EFL1: variants seen among roughly 807,000 people sequenced by gnomAD.
The protein encoded by EFL1 is elongation factor like GTPase 1.
In EFL1, 76 loss-of-function variants were observed where a neutral mutation model predicts 126.7. The observed-to-expected ratio is 0.60, with a 90% CI of 0.50 to 0.73. EFL1 has a LOEUF of 0.73. Ranked by LOEUF, EFL1 falls within the 30% of genes least tolerant of loss-of-function variation. The probability of loss-of-function intolerance (pLI) is 0.00; values close to 1 mark genes in which losing one functional copy is unlikely to be tolerated. For missense variants in EFL1, 1,128 were observed against 1,343.2 expected (o/e 0.84, Z 2.50); for synonymous variants, 410 against 448.4 (o/e 0.91, Z 1.08).
chr15:82,249,903 C>G (rs2075006120), intron 4 of EFL1, among the ~76,000 whole-genome samples: 1 of 151,942 alleles, frequency 6.6e-6, no homozygotes, highest in African/African-American at 2.4e-5. Flanking sequence ...AGAATAAGAC[C>G]CTATATTTCA....
chr15:82,249,717 TTAA>T (rs1348692325), intron 4 of EFL1, among the ~76,000 whole-genome samples: 1 of 151,942 alleles, frequency 6.6e-6, no homozygotes, highest in Non-Finnish European at 1.5e-5. Context: ...ATAACAAGAT[TTAA>T]TAATATGATC....
At chr15:82,182,697 C>T (rs1469747000) in intron 15 of EFL1, among the ~76,000 whole-genome samples, 1 of 151,810 alleles carries the variant, frequency 6.6e-6, no homozygotes, top group African/African-American at 2.4e-5. Context: ...TGGTGGTGGG[C>T]GCCTGTAGTC....
At chr15:82,157,187 C>G (rs1016687127) in intron 17 of EFL1, among the ~76,000 whole-genome samples, 4 of 152,092 alleles carry the variant, frequency 2.6e-5, no homozygotes, top group Non-Finnish European at 4.4e-5. Flanking sequence ...CTGAATGATT[C>G]TTTTTCTTCT....
intron 3 of EFL1, among the ~76,000 whole-genome samples, chr15:82,257,365 T>A (rs996264049): frequency 6.6e-6 from 1 of 152,206 alleles, no homozygotes; most frequent in African/African-American, 2.4e-5. Context: ...GTTTTGTCAG[T>A]TGTGTTACTC....
intron 19 of EFL1, among the ~76,000 whole-genome samples, chr15:82,134,961 A>C (rs2073704990): frequency 6.6e-6 from 1 of 152,248 alleles, no homozygotes; most frequent in Non-Finnish European, 1.5e-5. Context: ...AAATGAAAAG[A>C]AGTGCCTTGG....
rs2075142114 is a variant in EFL1, at chr15:82,262,729, C to A, written c.-135G>T. On this transcript the variant is annotated 5_prime_UTR_variant, in exon 1 of 20. Transcript: ENST00000268206. ...CACGCCCGCGCGCCAGGGGGCGGGGCCGGCTGTCGCTCGACCTTTCACCCG... is the reference window on the plus strand; with the variant it reads ...CACGCCCGCGCGCCAGGGGGCGGGGACGGCTGTCGCTCGACCTTTCACCCG... 3.2e-5 allele frequency: 30 copies of A among 925,012 alleles called. No homozygotes were observed. In the South Asian group the frequency reaches 4.7e-4, roughly 15 times the overall value. 57.3% of individuals were successfully genotyped at this position (925,012 alleles called of 1,614,324 possible). A position where few individuals can be genotyped will look rare whatever the true frequency, so the allele number is the denominator to read the frequency against.
chr15:82,215,699 A>G (rs1323666171), intron 14 of EFL1: 2 of 152,226 alleles, frequency 1.3e-5, no homozygotes, highest in Admixed American at 6.5e-5. Flanking sequence ...CTGAGATACA[A>G]CATAAACAAA....
In EFL1 at chr15:82,185,169, C is replaced by CTGTGTG. The variant is rs71156029; in HGVS notation, c.1751-21191_1751-21186dup. On this transcript the variant is annotated intron_variant, in intron 15 of 19. Coordinates refer to ENST00000268206, the MANE Select transcript of EFL1 (RefSeq NM_024580.6). The stretch of plus-strand genomic sequence containing the variant: ...ATCCTTAGGAATGTTTCATGTGTGG[C>CTGTGTG]TGTGTGTGTGTGTGTGTGTGTGTGT... Among the ~76,000 whole-genome samples, 114 of 139,988 alleles carry CTGTGTG rather than the reference C, an allele frequency of 8.1e-4. 1 individual carries two copies. The highest frequency in any genetic ancestry group is 2.0e-3 in the South Asian group (8 of 4,060). 91.8% of individuals were successfully genotyped at this position (139,988 alleles called of 152,430 possible).
At chr15:82,217,455 A>G (rs2074662256) in intron 14 of EFL1, among the ~76,000 whole-genome samples, 1 of 151,532 alleles carries the variant, frequency 6.6e-6, no homozygotes, top group South Asian at 2.1e-4. Context: ...CATTTAAGTA[A>G]AGGAATCCTA....
Position 82,151,614 on chromosome 15 carries a change from T to G in EFL1, c.2840A>C (p.Glu947Ala). Residue 947 changes from glutamate to alanine, a missense_variant, in exon 18 of 20, where the codon GAA becomes GCA. By Grantham distance (107) the Glu-to-Ala change is moderately radical. Coordinates refer to ENST00000268206, the MANE Select transcript of EFL1 (RefSeq NM_024580.6). ...TCCATAGCAGTCAGTGAGTGGAGAT[T>G]CTCCTTTCTGTGATGTCCTCTTCTC... is the stretch of plus-strand genomic sequence containing the variant. ...AFEKRTSQKG[E>A]SPLTDCYGPF... 6.2e-7 allele frequency: 1 copy of G among 1,614,124 alleles called. No homozygotes were observed. Among genetic ancestry groups the G allele is most frequent in the Non-Finnish European group, 8.5e-7 (1 of 1,180,016 alleles).
chr15:82,180,261 T>C (rs769373944), intron 15 of EFL1, among the ~76,000 whole-genome samples: 4 of 151,824 alleles, frequency 2.6e-5, no homozygotes, highest in Non-Finnish European at 4.4e-5. Context: ...TTGCTATGCT[T>C]GGCATCTAGC....
intron 15 of EFL1, among the ~76,000 whole-genome samples, chr15:82,176,331 G>T (rs1438484632): frequency 6.6e-6 from 1 of 152,128 alleles, no homozygotes; most frequent in East Asian, 1.9e-4. Flanking sequence ...AGAAAAAATT[G>T]AAAAATATTA....
intron 15 of EFL1, 88 bp from the exon 16 acceptor site, chr15:82,164,072 G>A (rs1246938812): frequency 2.0e-6 from 3 of 1,495,692 alleles, no homozygotes; most frequent in Non-Finnish European, 2.7e-6. Flanking sequence ...CCCAGTATAT[G>A]TATCACAGAG....
intron 15 of EFL1, among the ~76,000 whole-genome samples, chr15:82,184,852 T>C (rs1331430003): frequency 6.6e-6 from 1 of 152,156 alleles, no homozygotes; most frequent in African/African-American, 2.4e-5. Context: ...GGTGAAAACA[T>C]GTGCAATCAT....
chr15:82,225,565 C>T (rs1372922153), intron 11 of EFL1, among the ~76,000 whole-genome samples: 1 of 152,160 alleles, frequency 6.6e-6, no homozygotes, highest in Admixed American at 6.5e-5. Context: ...TAACCACCTA[C>T]CATAAGCACT....
chr15:82,225,645 A>G (rs1468665498), intron 11 of EFL1, among the ~76,000 whole-genome samples: 2 of 152,218 alleles, frequency 1.3e-5, no homozygotes, highest in African/African-American at 4.8e-5. Context: ...AACAATCAAC[A>G]AGGTAGCTTG....
intron 7 of EFL1, among the ~76,000 whole-genome samples, chr15:82,232,612 C>T (rs2074833769): frequency 6.6e-6 from 1 of 152,128 alleles, no homozygotes. Flanking sequence ...GATCCTTATG[C>T]CATAATTCAT....
At position 82,162,684 on chromosome 15, in the gene EFL1, A is replaced by G. The variant is rs77116149; in HGVS notation, c.1882+1169T>C. Among the ~76,000 whole-genome samples, 8 of 152,318 alleles carry G rather than the reference A, an allele frequency of 5.3e-5. No individual in the cohort carries two copies. In the East Asian group the frequency reaches 1.5e-3, roughly 29 times the overall value. On this transcript the variant is annotated intron_variant, in intron 16 of 19. Coordinates refer to ENST00000268206, the MANE Select transcript of EFL1 (RefSeq NM_024580.6). ...ATCTCGAGGCTGAAGGCAGATGGCT[A>G]TTTACTAGGGCTGGCCCCAAAGGTC...
intron 4 of EFL1, among the ~76,000 whole-genome samples, chr15:82,249,474 AG>A (rs1318570564): frequency 1.3e-5 from 2 of 152,114 alleles, no homozygotes; most frequent in Admixed American, 6.5e-5. Flanking sequence ...ATGGCTATAC[AG>A]TAGAAACGAC....
Sources: gnomAD v4.1 joint callset for allele counts (sites outside exome capture counted in the v4.1 genomes callset) on GRCh38, gnomAD v4.1.1 for gene constraint, MANE v1.5 for transcripts, NCBI Gene and HGNC (gene_info 2026-07-23, HGNC 2026-07-21) for gene names.